Variants in PKD1L3 observed in about 807,000 individuals in gnomAD.
PKD1L3 encodes polycystin 1 like 3, transient receptor potential channel interacting, also known as polycystin-1-like protein 3.
A neutral mutation model predicts 184.1 loss-of-function variants in PKD1L3; 239 were observed. The ratio of observed to expected loss-of-function variants is 1.30; its 90% CI spans 1.17 to 1.45. The LOEUF is 1.45. Ranked by LOEUF, PKD1L3 falls within the 40% of genes most tolerant of loss-of-function variation. PKD1L3 has a pLI of 0.00. For missense variants in PKD1L3, 2,660 were observed against 2,067.2 expected (o/e 1.29, Z -5.56); for synonymous variants, 996 against 778.8 (o/e 1.28, Z -4.64).
At chr16:71,937,151 G>A (rs2038208543) in intron 25 of PKD1L3, 141 bp downstream of exon 25, 1 of 805,714 alleles carries the variant, frequency 1.2e-6, no homozygotes. Flanking sequence ...TGCCTCCCAG[G>A]CTCAAGCAAT....
At chr16:71,986,581 G>A (rs2143802889) in intron 4 of PKD1L3, 112 bp from the exon 5 acceptor site, 3 of 1,224,406 alleles carry the variant, frequency 2.5e-6, no homozygotes, top group Non-Finnish European at 3.3e-6. Context: ...ATACTAATAG[G>A]CATTTCTGTT....
chr16:71,954,532 T>A (rs1490887694), intron 16 of PKD1L3, among the ~76,000 whole-genome samples: 1 of 152,212 alleles, frequency 6.6e-6, no homozygotes, highest in Non-Finnish European at 1.5e-5. Flanking sequence ...AAAAGGTTGT[T>A]GAGGATAATT....
intron 24 of PKD1L3, among the ~76,000 whole-genome samples, chr16:71,941,771 G>C (rs1183449773): frequency 1.3e-5 from 2 of 151,212 alleles, no homozygotes; most frequent in African/African-American, 2.4e-5. Context: ...TTTTAGTAGA[G>C]ACGGGGTGTC....
chr16:71,961,169 C>T (rs1175198106), intron 16 of PKD1L3, among the ~76,000 whole-genome samples: 1 of 152,052 alleles, frequency 6.6e-6, no homozygotes, highest in Non-Finnish European at 1.5e-5. Context: ...CTCCTTCGCA[C>T]AGGCTGGAGT....
At chr16:71,930,310 A>T (rs981305848) in intron 28 of PKD1L3, 127 bp from the exon 29 acceptor site, 18 of 942,348 alleles carry the variant, frequency 1.9e-5, no homozygotes, top group Non-Finnish European at 2.5e-5. Context: ...TTAGGGAGAG[A>T]GTCAAAAGAT....
intron 3 of PKD1L3, among the ~76,000 whole-genome samples, chr16:71,992,201 C>G (rs974558046): frequency 3.9e-5 from 6 of 152,104 alleles, no homozygotes; most frequent in African/African-American, 1.4e-4. Context: ...AAGGACCCTA[C>G]GTACATAAAT....
chr16:71,994,187 T>C (rs1458383092), intron 2 of PKD1L3, among the ~76,000 whole-genome samples: 1 of 152,162 alleles, frequency 6.6e-6, no homozygotes, highest in African/African-American at 2.4e-5. Context: ...CAGCTTAAAT[T>C]CGCTATCGTG....
intron 22 of PKD1L3, among the ~76,000 whole-genome samples, chr16:71,945,113 T>A: frequency 6.6e-6 from 1 of 150,852 alleles, no homozygotes; most frequent in East Asian, 1.9e-4. Context: ...TTCCTGTACT[T>A]AGACTAGAAA....
intron 19 of PKD1L3, 99 bp from the exon 20 acceptor site, chr16:71,950,409 A>AT: frequency 9.3e-7 from 1 of 1,076,096 alleles, no homozygotes; most frequent in Non-Finnish European, 1.3e-6. Flanking sequence ...ATGAGGCTAT[A>AT]TTTTCCCACT....
chr16:71,985,090 T>G (rs1357059161), intron 5 of PKD1L3, among the ~76,000 whole-genome samples: 4 of 152,212 alleles, frequency 2.6e-5, no homozygotes, highest in African/African-American at 9.6e-5. Context: ...TTCAACCACA[T>G]ATTCAAGAAA....
At position 71,938,286 on chromosome 16, in the gene PKD1L3, C is replaced by A. The variant is rs576388173; in HGVS notation, c.4325-867G>T. ...TGGGGCAGTGCTGACAAGCAGCCCC[C>A]TACTGCCTCGGCCTTCTCCGAACTT... On this transcript the variant is annotated intron_variant, in intron 24 of 29. Coordinates refer to ENST00000620267, the MANE Select transcript of PKD1L3 (RefSeq NM_181536.2). Among the ~76,000 whole-genome samples the A allele has an allele frequency of 4.3e-4, 66 of 152,374 alleles. 1 individual carries two copies. The highest frequency in any genetic ancestry group is 1.5e-3 in the African/African-American group (61 of 41,594).
chr16:71,995,702 C>T (rs531619821), intron 2 of PKD1L3, among the ~76,000 whole-genome samples: 27 of 152,318 alleles, frequency 1.8e-4, no homozygotes, highest in African/African-American at 5.8e-4. Flanking sequence ...AATAGCCTTA[C>T]GTGTGCATCT....
intron 19 of PKD1L3, among the ~76,000 whole-genome samples, chr16:71,951,185 G>A (rs1039342965): frequency 4.6e-5 from 7 of 151,514 alleles, no homozygotes; most frequent in Non-Finnish European, 8.9e-5. Context: ...GATTACAGGC[G>A]CCCGCCACTA....
chr16:71,952,827 G>A, intron 18 of PKD1L3, 67 bp downstream of exon 18: 1 of 1,470,792 alleles, frequency 6.8e-7, no homozygotes, highest in Non-Finnish European at 9.2e-7. Flanking sequence ...AACAGAGCCA[G>A]ACCCTATGTC....
Position 71,986,280 on chromosome 16 carries a change from C to G in PKD1L3, c.775G>C (p.Gly259Arg). 2 of 1,552,216 alleles carry G rather than the reference C, an allele frequency of 1.3e-6. No individual in the cohort carries two copies. Among genetic ancestry groups the G allele is most frequent in the Non-Finnish European group, 1.7e-6 (2 of 1,147,098 alleles). Residue 259 changes from glycine to arginine, a missense_variant, in exon 5 of 30, where the codon GGT becomes CGT. By Grantham distance (125) the Gly-to-Arg change is moderately radical. Coordinates refer to ENST00000620267, the MANE Select transcript of PKD1L3 (RefSeq NM_181536.2). ...AETTSSPKEE[G>R]HPNTFTSYLQ... ...TAAGAGGTGAAGGTATTCGGATGAC[C>G]TTCTTCCTTTGGGCTTGAAGTTGTT... is the stretch of plus-strand genomic sequence containing the variant.
chr16:71,953,504 A>G (rs1407839650), intron 17 of PKD1L3, among the ~76,000 whole-genome samples: 1 of 152,206 alleles, frequency 6.6e-6, no homozygotes, highest in Non-Finnish European at 1.5e-5. Flanking sequence ...ACAAAGCACT[A>G]CAAAGCACCT....
intron 16 of PKD1L3, among the ~76,000 whole-genome samples, chr16:71,955,475 A>G (rs1046064032): frequency 2.0e-5 from 3 of 152,130 alleles, no homozygotes; most frequent in Non-Finnish European, 4.4e-5. Flanking sequence ...ACACACACAC[A>G]TAACAGAATA....
chr16:71,967,615 C>T (rs183505962), intron 14 of PKD1L3, among the ~76,000 whole-genome samples: 1 of 152,162 alleles, frequency 6.6e-6, no homozygotes, highest in Admixed American at 6.5e-5. Context: ...TAGTCATGGG[C>T]CATCACGCTC....
rs2038767698 is a variant in PKD1L3 at position 71,950,007 on chromosome 16, T to A, written c.3394A>T (p.Ser1132Cys). ...TEQEPSREVT[S>C]FAILSSEEGK... ...TCTTCTGAGCTCAGGATGGCAAAAC[T>A]GGTGACTTCCCTGAAGCACAAAAGT... Residue 1132 changes from serine to cysteine, a missense_variant, in exon 21 of 30, where the codon AGT (serine) becomes TGT (cysteine). Coordinates refer to ENST00000620267, the MANE Select transcript of PKD1L3 (RefSeq NM_181536.2). 6.4e-7 allele frequency: 1 copy of A among 1,551,330 alleles called. No homozygotes were observed. Among genetic ancestry groups the A allele is most frequent in the African/African-American group, 1.4e-5 (1 of 73,022 alleles).
Sources: gnomAD v4.1 joint callset for allele counts (sites outside exome capture counted in the v4.1 genomes callset) on GRCh38, gnomAD v4.1.1 for gene constraint, MANE v1.5 for transcripts, NCBI Gene and HGNC (gene_info 2026-07-23, HGNC 2026-07-21) for gene names.